The following RMDN2 variants were observed in gnomAD, a reference collection of about 807,000 sequenced individuals.
RMDN2 encodes regulator of microtubule dynamics protein 2.
A neutral mutation model predicts 52.8 loss-of-function variants in RMDN2; 61 were observed. That is an observed-to-expected ratio of 1.16 (90% CI 0.94 to 1.43). RMDN2 has a LOEUF of 1.43. Ranked by LOEUF, RMDN2 falls within the 40% of genes most tolerant of loss-of-function variation. The pLI is 0.00. For synonymous variants in RMDN2, 180 were observed against 153.1 expected (o/e 1.18, Z -1.30); for missense variants, 592 against 475.3 (o/e 1.25, Z -2.28).
At chr2:38,023,821 A>T (rs1679568078) in intron 10 of RMDN2, among the ~76,000 whole-genome samples, 1 of 151,496 alleles carries the variant, frequency 6.6e-6, no homozygotes, top group East Asian at 1.9e-4. Context: ...GCATGTATTT[A>T]AAGTGTATAA....
chr2:38,046,118 A>C (rs1681257959), intron 10 of RMDN2, among the ~76,000 whole-genome samples: 1 of 152,342 alleles, frequency 6.6e-6, no homozygotes, highest in Non-Finnish European at 1.5e-5. Flanking sequence ...AGCTATTCAC[A>C]TATCCCTGAC....
intron 10 of RMDN2, among the ~76,000 whole-genome samples, chr2:38,050,673 C>T (rs564607113): frequency 2.0e-5 from 3 of 152,288 alleles, no homozygotes; most frequent in African/African-American, 7.2e-5. Flanking sequence ...CACAATTCTG[C>T]ACGAACTTCC....
At chr2:38,042,056 C>T (rs1680986986) in intron 10 of RMDN2, among the ~76,000 whole-genome samples, 1 of 152,016 alleles carries the variant, frequency 6.6e-6, no homozygotes, top group African/African-American at 2.4e-5. Context: ...GTACAATAAC[C>T]AGAGAAACCA....
At chr2:37,972,158 A>G (rs968172890) in intron 2 of RMDN2, among the ~76,000 whole-genome samples, 4 of 152,140 alleles carry the variant, frequency 2.6e-5, no homozygotes, top group Non-Finnish European at 5.9e-5. Context: ...TTTTTTGCTG[A>G]TATGTAGAAA....
intron 8 of RMDN2, among the ~76,000 whole-genome samples, chr2:38,001,883 C>G (rs1676371337): frequency 6.6e-6 from 1 of 152,162 alleles, no homozygotes; most frequent in Non-Finnish European, 1.5e-5. Context: ...AGAGAAGAAG[C>G]AGAAGAACCA....
chr2:37,979,619 T>G (rs182766843), intron 4 of RMDN2, among the ~76,000 whole-genome samples: 44 of 152,342 alleles, frequency 2.9e-4, no homozygotes, highest in African/African-American at 1.1e-3. Flanking sequence ...AGAAACATTT[T>G]TCTAACTTTC....
intron 10 of RMDN2, among the ~76,000 whole-genome samples, chr2:38,045,441 A>C (rs1162714827): frequency 6.6e-6 from 1 of 152,288 alleles, no homozygotes; most frequent in East Asian, 1.9e-4. Context: ...ATATGTTTTT[A>C]ATCTTGATGT....
At chr2:38,046,264 T>C (rs1471225751) in intron 10 of RMDN2, among the ~76,000 whole-genome samples, 1 of 152,174 alleles carries the variant, frequency 6.6e-6, no homozygotes, top group Non-Finnish European at 1.5e-5. Context: ...TACCAAAGGA[T>C]ATAACCCTTA....
chr2:37,997,848 C>T (rs937758457), intron 8 of RMDN2: 3 of 228,594 alleles, frequency 1.3e-5, no homozygotes, highest in Non-Finnish European at 1.7e-5. Context: ...GAAACAGTCA[C>T]GCCCTGATGG....
At chr2:37,926,985 G>A (rs1171750154) in intron 1 of RMDN2, among the ~76,000 whole-genome samples, 1 of 151,942 alleles carries the variant, frequency 6.6e-6, no homozygotes, top group Non-Finnish European at 1.5e-5. Flanking sequence ...TATTCTGAAG[G>A]CAAGCAAGTA....
At chr2:37,982,589 A>G (rs1343267589) in intron 5 of RMDN2, among the ~76,000 whole-genome samples, 9 of 152,146 alleles carry the variant, frequency 5.9e-5, no homozygotes, top group Non-Finnish European at 1.2e-4. Flanking sequence ...ATCTGGCAGA[A>G]CCTGTGAATA....
chr2:37,971,324 T>C (rs1025613261), intron 2 of RMDN2, among the ~76,000 whole-genome samples: 1 of 152,144 alleles, frequency 6.6e-6, no homozygotes, highest in Non-Finnish European at 1.5e-5. Context: ...GCACTATTTG[T>C]TGAAGAGTAT....
At chr2:37,924,363 A>C (rs1183698870), upstream of RMDN2, among the ~76,000 whole-genome samples, 5 of 152,190 alleles carry the variant, frequency 3.3e-5, no homozygotes, top group Non-Finnish European at 7.4e-5. Flanking sequence ...ATACAGAAGC[A>C]GTGTATGTAC....
Position 38,004,125 on chromosome 2 carries a change from C to A in RMDN2, c.1099-11C>A. On this transcript the variant is annotated splice_polypyrimidine_tract_variant and intron_variant, in intron 9 of 10. Coordinates refer to ENST00000354545, the MANE Select transcript of RMDN2 (RefSeq NM_001170791.3). Reference sequence around the variant, plus strand: ...GGATTATGTTTAATATTGGTTATTTCTCATTTCCAGTGTTATACTGATCTT... The same window carrying A: ...GGATTATGTTTAATATTGGTTATTTATCATTTCCAGTGTTATACTGATCTT... 6.2e-7 allele frequency: 1 copy of A among 1,612,808 alleles called. No individual in the cohort carries two copies. Among genetic ancestry groups the A allele is most frequent in the Non-Finnish European group, 8.5e-7 (1 of 1,178,952 alleles).
upstream of RMDN2, among the ~76,000 whole-genome samples, chr2:37,923,021 G>T (rs77147877): frequency 6.6e-6 from 1 of 152,200 alleles, no homozygotes; most frequent in South Asian, 2.1e-4. Flanking sequence ...TGCCGTACTG[G>T]TTTGATGAAT....
intron 7 of RMDN2, 34 bp from the exon 8 acceptor site, chr2:37,997,382 A>G (rs1012667956): frequency 7.2e-7 from 1 of 1,384,362 alleles, no homozygotes. Flanking sequence ...AAGGTGAACA[A>G]CTTTCTAAGA....
At chr2:37,951,698 C>T (rs779097034) in intron 2 of RMDN2, 1 of 1,612,608 alleles carries the variant, frequency 6.2e-7, no homozygotes, top group Non-Finnish European at 8.5e-7. Context: ...AAATCGAAAT[C>T]TTTTCTAAAA....
rs557630010 is a variant in RMDN2 at position 38,013,936 on chromosome 2, G to A, written c.1180-3250G>A. 1.8e-4 allele frequency among the ~76,000 whole-genome samples: 27 copies of A among 152,318 alleles called. 1 individual carries two copies. The South Asian group carries it at 2.3e-3, about 13-fold the overall frequency. On this transcript the variant is annotated intron_variant, in intron 10 of 10. Coordinates refer to ENST00000354545, the MANE Select transcript of RMDN2 (RefSeq NM_001170791.3). ...AAAATTAATAAGGCAGCCGGGCGTC[G>A]TGGCTCACGCCTGTAATCCCAGCAC... is the stretch of plus-strand genomic sequence containing the variant.
intron 2 of RMDN2, among the ~76,000 whole-genome samples, chr2:37,947,256 A>C (rs1292700890): frequency 6.6e-6 from 1 of 152,114 alleles, no homozygotes; most frequent in Non-Finnish European, 1.5e-5. Context: ...CCATGTGTAC[A>C]CATTATTTAG....
Sources: allele counts gnomAD v4.1 joint callset (sites outside exome capture counted in the v4.1 genomes callset), GRCh38; gene constraint gnomAD v4.1.1; transcripts MANE v1.5; gene names NCBI Gene and HGNC (gene_info 2026-07-23, HGNC 2026-07-21).